HSD17B3: variants seen among roughly 807,000 people sequenced by gnomAD.
HSD17B3 encodes the protein hydroxysteroid 17-beta dehydrogenase 3, also known as 17-beta-hydroxysteroid dehydrogenase type 3.
A neutral mutation model predicts 41.1 loss-of-function variants in HSD17B3; 29 were observed. The ratio of observed to expected loss-of-function variants is 0.71; its 90% CI spans 0.53 to 0.96. The LOEUF (loss-of-function observed/expected upper bound fraction) is 0.96, where lower values mean the gene tolerates loss of function less well. HSD17B3 is among the 40% of genes least tolerant of loss of function. The probability of loss-of-function intolerance (pLI) is 0.00; values close to 1 mark genes in which losing one functional copy is unlikely to be tolerated. For missense variants in HSD17B3, 323 were observed against 374.6 expected, an observed-to-expected ratio of 0.86 and a Z score of 1.14; for synonymous variants, 126 against 145.6, an observed-to-expected ratio of 0.87 and a Z score of 0.97.
At chr9:96,280,426 G>T (rs1361053811) in intron 2 of HSD17B3, among the ~76,000 whole-genome samples, 1 of 152,154 alleles carries the variant, frequency 6.6e-6, no homozygotes, top group African/African-American at 2.4e-5. Context: ...TCTAATGAAG[G>T]TCAAGTTAGC....
At position 96,268,874 on chromosome 9, in the gene HSD17B3, A is replaced by C. The variant is rs111840831; in HGVS notation, c.202-13931T>G. ...TGAGGTAGGAGGATAGCTTGAACCC[A>C]GGAGGCAGAGGTTGCAGTGAGCCGA... is the stretch of plus-strand genomic sequence containing the variant. On this transcript the variant is annotated intron_variant, in intron 2 of 10. Coordinates refer to ENST00000375263, the MANE Select transcript of HSD17B3 (RefSeq NM_000197.2). 6.3e-3 allele frequency among the ~76,000 whole-genome samples: 960 copies of C among 152,234 alleles called. 14 individuals carry two copies. Among genetic ancestry groups the C allele is most frequent in the African/African-American group, 0.022 (932 of 41,532 alleles).
intron 5 of HSD17B3, chr9:96,250,264 C>G (rs1437166602): frequency 9.1e-6 from 10 of 1,101,120 alleles, no homozygotes; most frequent in Non-Finnish European, 1.1e-5. Flanking sequence ...GACACTAGCA[C>G]AAACACAGAC....
chr9:96,243,035 C>T (rs1273528229), intron 9 of HSD17B3, among the ~76,000 whole-genome samples: 1 of 152,250 alleles, frequency 6.6e-6, no homozygotes, highest in African/African-American at 2.4e-5. Context: ...GAACTTCCCA[C>T]TCCTTTTCCT....
In HSD17B3 at chr9:96,240,753, A is replaced by G; in HGVS notation, c.822+5T>C. 1 of 1,614,164 alleles carries G rather than the reference A, an allele frequency of 6.2e-7. No homozygotes were observed. Among genetic ancestry groups the G allele is most frequent in the South Asian group, 1.1e-5 (1 of 91,080 alleles). On this transcript the variant is annotated splice_donor_5th_base_variant and intron_variant, in intron 10 of 10. Coordinates refer to ENST00000375263, the MANE Select transcript of HSD17B3 (RefSeq NM_000197.2). Reference sequence around the variant, plus strand: ...GCTTCAAGAAAAGGAGAAGTTATCAATTACCAAGATTTCATGGGCAAGGCA... The same window carrying G: ...GCTTCAAGAAAAGGAGAAGTTATCAGTTACCAAGATTTCATGGGCAAGGCA...
intron 10 of HSD17B3, among the ~76,000 whole-genome samples, 169 bp from the exon 11 acceptor site, chr9:96,235,739 G>C (rs1346015177): frequency 1.3e-5 from 2 of 152,326 alleles, no homozygotes; most frequent in East Asian, 1.9e-4. Flanking sequence ...AGCTCACAAG[G>C]TTTTCTCAGA....
At chr9:96,242,584 T>C (rs997548906) in intron 9 of HSD17B3, among the ~76,000 whole-genome samples, 3 of 152,212 alleles carry the variant, frequency 2.0e-5, no homozygotes, top group Non-Finnish European at 4.4e-5. Context: ...CGAGTATTTA[T>C]TGAGTGTGTG....
chr9:96,266,653 A>G (rs1178726361), intron 2 of HSD17B3, among the ~76,000 whole-genome samples: 1 of 152,170 alleles, frequency 6.6e-6, no homozygotes, highest in African/African-American at 2.4e-5. Context: ...CTGAGAACTG[A>G]CAAAATGTAT....
intron 3 of HSD17B3, 46 bp from the exon 4 acceptor site, chr9:96,252,956 C>T (rs1368523200): frequency 1.7e-6 from 2 of 1,193,092 alleles, no homozygotes; most frequent in Admixed American, 1.7e-5. Context: ...GATCCAAATG[C>T]CCCCTCGCCC....
At chr9:96,263,915 A>AT (rs1445204231) in intron 2 of HSD17B3, among the ~76,000 whole-genome samples, 1 of 152,182 alleles carries the variant, frequency 6.6e-6, no homozygotes, top group Non-Finnish European at 1.5e-5. Flanking sequence ...TACATGTTGT[A>AT]TTAACTATAG....
intron 9 of HSD17B3, among the ~76,000 whole-genome samples, chr9:96,242,108 T>C (rs899586462): frequency 1.3e-5 from 2 of 152,152 alleles, no homozygotes; most frequent in Non-Finnish European, 2.9e-5. Flanking sequence ...TATTTCATAA[T>C]TGAACCCAAT....
At chr9:96,267,470 A>G (rs1347661824) in intron 2 of HSD17B3, among the ~76,000 whole-genome samples, 2 of 152,178 alleles carry the variant, frequency 1.3e-5, no homozygotes, top group African/African-American at 4.8e-5. Flanking sequence ...CCATTTTTAA[A>G]AGAAGAAAAA....
chr9:96,239,064 G>A (rs1275748774), intron 10 of HSD17B3, among the ~76,000 whole-genome samples: 1 of 152,232 alleles, frequency 6.6e-6, no homozygotes, highest in East Asian at 1.9e-4. Flanking sequence ...ACAGCAGTCT[G>A]CTGCCCTCAG....
chr9:96,278,063 G>A (rs1409320496), intron 2 of HSD17B3, among the ~76,000 whole-genome samples: 1 of 152,190 alleles, frequency 6.6e-6, no homozygotes, highest in Non-Finnish European at 1.5e-5. Flanking sequence ...AGAGTAGAAT[G>A]TTGCTGCTAG....
Position 96,246,620 on chromosome 9 carries a change from CA to C in HSD17B3, c.490-31del, listed in dbSNP as rs776037159. 3 of 1,611,326 alleles carry C rather than the reference CA, an allele frequency of 1.9e-6. No individual in the cohort carries two copies. In the South Asian group the frequency reaches 3.3e-5, roughly 18 times the overall value. On this transcript the variant is annotated intron_variant, in intron 6 of 10. Coordinates refer to ENST00000375263, the MANE Select transcript of HSD17B3 (RefSeq NM_000197.2). Reference sequence around the variant, plus strand: ...AAGAGAAGGCCAAAGGTAAGCCCGACAAGGAACTAAGTAGCAGTGCAAGGGG... The same window carrying C: ...AAGAGAAGGCCAAAGGTAAGCCCGACAGGAACTAAGTAGCAGTGCAAGGGG...
chr9:96,261,470 C>T (rs1825855301), intron 2 of HSD17B3, among the ~76,000 whole-genome samples: 1 of 152,198 alleles, frequency 6.6e-6, no homozygotes, highest in South Asian at 2.1e-4. Context: ...GCTGGGATTA[C>T]AGGCATGAGC....
At chr9:96,271,607 T>C (rs1171362188) in intron 2 of HSD17B3, among the ~76,000 whole-genome samples, 1 of 152,174 alleles carries the variant, frequency 6.6e-6, no homozygotes, top group Non-Finnish European at 1.5e-5. Context: ...AGATATGTGT[T>C]ATGATCCAGC....
At chr9:96,274,003 G>A (rs910223288) in intron 2 of HSD17B3, among the ~76,000 whole-genome samples, 18 of 152,118 alleles carry the variant, frequency 1.2e-4, no homozygotes, top group African/African-American at 4.3e-4. Context: ...AGACTCCAAG[G>A]AACATGAAAA....
Position 96,244,354 on chromosome 9 carries a change from T to C in HSD17B3, c.647A>G (p.Tyr216Cys). Residue 216 changes from tyrosine to cysteine, a missense_variant, in exon 9 of 11, where the codon TAT becomes TGT. Physicochemically the swap from Tyr to Cys is radical, Grantham distance 194. Transcript: ENST00000375263. ...CTGGATGATGACTTCTTTTGCTTTA[T>C]ATTCCTCTTGCAGGGCCTTGGAAAA... The part of the protein sequence containing the change: ...CAFSKALQEE[Y>C]KAKEVIIQVL... 1 of 1,614,214 alleles carries C rather than the reference T, an allele frequency of 6.2e-7. No individual in the cohort carries two copies. The highest frequency in any genetic ancestry group is 8.5e-7 in the Non-Finnish European group (1 of 1,180,032).
chr9:96,250,051 T>A, intron 5 of HSD17B3: 1 of 1,413,252 alleles, frequency 7.1e-7, no homozygotes, highest in South Asian at 1.5e-5. Context: ...GGAACTATAT[T>A]CCTGGAGGAA....
Sources: allele counts gnomAD v4.1 joint callset (sites outside exome capture counted in the v4.1 genomes callset), GRCh38; gene constraint gnomAD v4.1.1; transcripts MANE v1.5; gene names NCBI Gene and HGNC (gene_info 2026-07-23, HGNC 2026-07-21).